Variants in NVL observed in about 807,000 individuals in gnomAD.
The protein encoded by NVL is nuclear valosin-containing protein-like.
NVL carries 84 observed loss-of-function variants against 110.2 expected under a neutral mutation model. The observed-to-expected ratio is 0.76, with a 90% CI of 0.64 to 0.91. The LOEUF (loss-of-function observed/expected upper bound fraction) is 0.91. Among genes scored for constraint, NVL ranks in the 40% least tolerant of loss-of-function variants. The pLI is 0.00. For missense variants in NVL, 882 were observed against 1,035.9 expected (o/e 0.85, Z 2.04); for synonymous variants, 354 against 361.1 (o/e 0.98, Z 0.22).
At chr1:224,320,566 G>C (rs4654020) in intron 2 of NVL, among the ~76,000 whole-genome samples, 139,643 of 151,976 alleles carry the variant, frequency 0.92, 64,367 homozygotes, top group Middle Eastern at 0.98. Context: ...AGTATCACTT[G>C]AGCCCAGGAG....
At chr1:224,285,195 G>C (rs935624633) in intron 15 of NVL, among the ~76,000 whole-genome samples, 1 of 152,148 alleles carries the variant, frequency 6.6e-6, no homozygotes. Flanking sequence ...CCAGCACTTT[G>C]GGAGGCCGAG....
At chr1:224,298,279 A>G in intron 10 of NVL, 1 of 285,996 alleles carries the variant, frequency 3.5e-6, no homozygotes, top group Admixed American at 4.2e-5. Flanking sequence ...TTCAAAAAGG[A>G]ATGTCCCACA....
chr1:224,302,825 G>A, intron 9 of NVL: 1 of 201,012 alleles, frequency 5.0e-6, no homozygotes, highest in Non-Finnish European at 1.1e-5. Context: ...TGAGACAGGA[G>A]GACTGCTTGA....
chr1:224,275,537 T>C (rs945403875), intron 16 of NVL, 79 bp from the exon 17 acceptor site: 1 of 1,570,320 alleles, frequency 6.4e-7, no homozygotes, highest in East Asian at 2.2e-5. Context: ...AACAGTTTTA[T>C]GTGACATAAA....
chr1:224,241,179 A>G (rs1442696129), intron 19 of NVL, among the ~76,000 whole-genome samples: 1 of 152,218 alleles, frequency 6.6e-6, no homozygotes, highest in Non-Finnish European at 1.5e-5. Context: ...ATTAGTAGAA[A>G]TAAGGGCTAA....
chr1:224,251,789 G>A (rs1309266187), intron 18 of NVL, among the ~76,000 whole-genome samples: 2 of 151,954 alleles, frequency 1.3e-5, no homozygotes, highest in Admixed American at 1.3e-4. Flanking sequence ...CCAAATACCA[G>A]GCAGGTTTCT....
At chr1:224,230,745 C>A (rs1364354751) in intron 22 of NVL, among the ~76,000 whole-genome samples, 3 of 152,160 alleles carry the variant, frequency 2.0e-5, no homozygotes, top group Non-Finnish European at 4.4e-5. Flanking sequence ...CAAGAACATT[C>A]TCACAAAGGC....
At chr1:224,231,104 G>T in intron 22 of NVL, 122 bp downstream of exon 22, 1 of 650,046 alleles carries the variant, frequency 1.5e-6, no homozygotes, top group Non-Finnish European at 2.7e-6. Flanking sequence ...CTGCACTCCA[G>T]CATGGACGAC....
intron 1 of NVL, 95 bp downstream of exon 1, chr1:224,329,976 T>G: frequency 5.8e-6 from 7 of 1,215,718 alleles, no homozygotes; most frequent in Non-Finnish European, 8.5e-6. Context: ...GAAGACTAGT[T>G]GAGTTCCACC....
intron 2 of NVL, 33 bp from the exon 3 acceptor site, chr1:224,317,963 A>G (rs1670257966): frequency 7.0e-7 from 1 of 1,420,230 alleles, no homozygotes; most frequent in Non-Finnish European, 9.7e-7. Context: ...TTACCATAGT[A>G]GTCTCCACCA....
chr1:224,265,722 A>C (rs1053305604), intron 18 of NVL, among the ~76,000 whole-genome samples: 22 of 152,150 alleles, frequency 1.4e-4, no homozygotes, highest in African/African-American at 5.1e-4. Flanking sequence ...GCCCTCATGA[A>C]TGATGCTGGT....
At chr1:224,266,978 A>G (rs1188263519) in intron 18 of NVL, among the ~76,000 whole-genome samples, 1 of 152,242 alleles carries the variant, frequency 6.6e-6, no homozygotes, top group Non-Finnish European at 1.5e-5. Context: ...ATGGTATAAT[A>G]CAGAATATAA....
At chr1:224,294,151 G>A in intron 12 of NVL, 116 bp downstream of exon 12, 1 of 1,125,396 alleles carries the variant, frequency 8.9e-7, no homozygotes, top group South Asian at 1.4e-5. Flanking sequence ...AATTTAATTG[G>A]TACAAAAAGA....
chr1:224,236,875 C>A (rs1449782923), intron 19 of NVL, among the ~76,000 whole-genome samples: 1 of 152,196 alleles, frequency 6.6e-6, no homozygotes, highest in Admixed American at 6.5e-5. Context: ...CATGCCACTG[C>A]ACTCCAGCCT....
At chr1:224,318,150 TTTTTA>T (rs1468009310) in intron 2 of NVL, among the ~76,000 whole-genome samples, 1 of 152,200 alleles carries the variant, frequency 6.6e-6, no homozygotes, top group Non-Finnish European at 1.5e-5. Context: ...GCTTCAAATA[TTTTTA>T]TTTTAAAATT....
intron 18 of NVL, among the ~76,000 whole-genome samples, chr1:224,252,611 A>G (rs1217783896): frequency 6.6e-6 from 1 of 152,180 alleles, no homozygotes; most frequent in Non-Finnish European, 1.5e-5. Flanking sequence ...TATACTTATT[A>G]TTCAATGGTT....
chr1:224,294,113 T>C (rs561126714), intron 12 of NVL, among the ~76,000 whole-genome samples, 154 bp downstream of exon 12: 1 of 152,366 alleles, frequency 6.6e-6, no homozygotes, highest in East Asian at 1.9e-4. Context: ...AATGATTTTC[T>C]TAATGTGGGC....
chr1:224,283,700 C>A (rs1054490897), intron 15 of NVL, among the ~76,000 whole-genome samples: 3 of 152,322 alleles, frequency 2.0e-5, no homozygotes, highest in Non-Finnish European at 4.4e-5. Flanking sequence ...CTATAGGACA[C>A]ACATGAAAGG....
At position 224,253,455 on chromosome 1, in the gene NVL, C is replaced by A. The variant is rs577988201; in HGVS notation, c.2183-3137G>T. On this transcript the variant is annotated intron_variant, in intron 18 of 22. Coordinates refer to ENST00000281701, the MANE Select transcript of NVL (RefSeq NM_002533.4). Reference sequence around the variant, plus strand: ...TGCTTAACTTTTAAGAAATTGCTGGCCGGGTGGAGTGGCTCACGCCTGTAA... The same window carrying A: ...TGCTTAACTTTTAAGAAATTGCTGGACGGGTGGAGTGGCTCACGCCTGTAA... Among the ~76,000 whole-genome samples the A allele has an allele frequency of 2.0e-5, 3 of 151,840 alleles. No homozygotes were observed. The East Asian group carries it at 5.9e-4, about 30-fold the overall frequency.
Sources: allele counts gnomAD v4.1 joint callset (sites outside exome capture counted in the v4.1 genomes callset), GRCh38; gene constraint gnomAD v4.1.1; transcripts MANE v1.5; gene names NCBI Gene and HGNC (gene_info 2026-07-23, HGNC 2026-07-21).